Variants in KLHL1 observed in about 807,000 individuals in gnomAD.
The protein encoded by KLHL1 is kelch-like protein 1.
KLHL1 carries 47 observed loss-of-function variants against 77.7 expected under a neutral mutation model. That is an observed-to-expected ratio of 0.60 (90% CI 0.48 to 0.77). The LOEUF is 0.77. Ranked by LOEUF, KLHL1 falls within the 30% of genes least tolerant of loss-of-function variation. The probability of loss-of-function intolerance (pLI) is 0.00; values close to 1 mark genes in which losing one functional copy is unlikely to be tolerated. For synonymous variants in KLHL1, 360 were observed against 325.2 expected (o/e 1.11, Z -1.15); for missense variants, 925 against 910.8 (o/e 1.02, Z -0.20).
intron 4 of KLHL1, among the ~76,000 whole-genome samples, chr13:69,928,411 G>T (rs1882886450): frequency 6.6e-6 from 1 of 152,152 alleles, no homozygotes; most frequent in Admixed American, 6.5e-5. Flanking sequence ...AAACCTCTTT[G>T]TCTGCTGCAA....
At chr13:69,746,205 C>T (rs1874207054) in intron 7 of KLHL1, among the ~76,000 whole-genome samples, 1 of 151,552 alleles carries the variant, frequency 6.6e-6, no homozygotes, top group Non-Finnish European at 1.5e-5. Flanking sequence ...TAATAATCCA[C>T]ATTTTTTGTA....
At chr13:69,729,587 T>A (rs746111628) in intron 8 of KLHL1, among the ~76,000 whole-genome samples, 1 of 152,114 alleles carries the variant, frequency 6.6e-6, no homozygotes, top group Non-Finnish European at 1.5e-5. Context: ...GTTAAAACAA[T>A]TTTCTGCTAT....
At chr13:69,726,484 A>G (rs1873301560) in intron 8 of KLHL1, among the ~76,000 whole-genome samples, 1 of 152,018 alleles carries the variant, frequency 6.6e-6, no homozygotes, top group South Asian at 2.1e-4. Flanking sequence ...AGCTACAACA[A>G]TACATTGGTG....
intron 1 of KLHL1, among the ~76,000 whole-genome samples, chr13:69,985,845 T>A (rs1035533558): frequency 8.4e-6 from 1 of 118,832 alleles, no homozygotes; most frequent in East Asian, 2.1e-4. Context: ...TGTGTGTGTA[T>A]AGATATATAT....
chr13:69,916,249 C>G (rs1254869328), intron 4 of KLHL1, among the ~76,000 whole-genome samples: 1 of 152,094 alleles, frequency 6.6e-6, no homozygotes. Flanking sequence ...GGTATATACC[C>G]AAAGGATTAC....
chr13:69,947,036 GTGT>G (rs1883552994), intron 3 of KLHL1, among the ~76,000 whole-genome samples: 1 of 4,912 alleles, frequency 2.0e-4, no homozygotes, highest in African/African-American at 5.7e-4. Flanking sequence ...TGTTGTGTGT[GTGT>G]GTGTGTGTGT....
intron 1 of KLHL1, among the ~76,000 whole-genome samples, chr13:70,016,534 C>T (rs953929934): frequency 6.6e-6 from 1 of 152,214 alleles, no homozygotes; most frequent in Admixed American, 6.5e-5. Flanking sequence ...CTGTCACAAC[C>T]CTGCCAGGTG....
At chr13:69,770,113 A>C (rs1193156839) in intron 7 of KLHL1, among the ~76,000 whole-genome samples, 2 of 152,144 alleles carry the variant, frequency 1.3e-5, no homozygotes, top group African/African-American at 4.8e-5. Flanking sequence ...GGAGAGAGCT[A>C]TAACACCCCC....
intron 10 of KLHL1, among the ~76,000 whole-genome samples, chr13:69,706,237 C>T (rs1431439492): frequency 1.3e-5 from 2 of 151,634 alleles, no homozygotes; most frequent in East Asian, 3.9e-4. Flanking sequence ...AGACTTAGAT[C>T]TCTTGATATT....
intron 8 of KLHL1, among the ~76,000 whole-genome samples, chr13:69,737,269 G>T (rs1873802515): frequency 6.6e-6 from 1 of 152,196 alleles, no homozygotes; most frequent in South Asian, 2.1e-4. Context: ...GGCTGCTCGG[G>T]CAGGCAGCTG....
intron 3 of KLHL1, among the ~76,000 whole-genome samples, chr13:69,948,910 A>T (rs1269632796): frequency 2.0e-5 from 3 of 151,976 alleles, no homozygotes; most frequent in Non-Finnish European, 4.4e-5. Context: ...TTTATCTATC[A>T]TCATTCTGTT....
rs879344733 is a variant in KLHL1 at position 70,026,716 on chromosome 13, G to A, written c.498-50914C>T. Among the ~76,000 whole-genome samples, 287 of 148,412 alleles carry A rather than the reference G, an allele frequency of 1.9e-3. 1 individual carries two copies. Among genetic ancestry groups the A allele is most frequent in the East Asian group, 7.6e-3 (38 of 5,028 alleles). Reference sequence around the variant, plus strand: ...TTAAGAACTTAGGGTGTGTGTGTGTGTGTGTGTGTGTGTGTGTGTGTGTGT... The same window carrying A: ...TTAAGAACTTAGGGTGTGTGTGTGTATGTGTGTGTGTGTGTGTGTGTGTGT... On this transcript the variant is annotated intron_variant, in intron 1 of 10. Transcript: ENST00000377844.
chr13:69,983,280 T>C (rs1202202281), intron 1 of KLHL1, among the ~76,000 whole-genome samples: 1 of 152,128 alleles, frequency 6.6e-6, no homozygotes, highest in Non-Finnish European at 1.5e-5. Flanking sequence ...CCTACAGTGA[T>C]CTGCAGATTC....
intron 6 of KLHL1, among the ~76,000 whole-genome samples, chr13:69,797,985 AAAATAG>A: frequency 6.6e-6 from 1 of 152,222 alleles, no homozygotes; most frequent in African/African-American, 2.4e-5. Flanking sequence ...TCTGACTAAT[AAAATAG>A]AAATTGAAAG....
At position 69,911,133 on chromosome 13, in the gene KLHL1, CCT is replaced by C. The variant is rs536018251; in HGVS notation, c.1015-28640_1015-28639del. Among the ~76,000 whole-genome samples the C allele has an allele frequency of 1.9e-3, 294 of 151,952 alleles. 5 individuals are homozygous for C. Among genetic ancestry groups the C allele is most frequent in the Non-Finnish European group, 9.6e-4 (65 of 67,868 alleles). The stretch of plus-strand genomic sequence containing the variant: ...TCTTTCTCTCTCTCTCTTCTGTCTC[CCT>C]CTTTCTCTTTAATTCTTATTTTTTC... On this transcript the variant is annotated intron_variant, in intron 4 of 10. Coordinates refer to ENST00000377844, the MANE Select transcript of KLHL1 (RefSeq NM_020866.3).
At chr13:70,091,277 CCTTT>C (rs1887667115) in intron 1 of KLHL1, among the ~76,000 whole-genome samples, 1 of 151,966 alleles carries the variant, frequency 6.6e-6, no homozygotes, top group South Asian at 2.1e-4. Flanking sequence ...TATCTTGAAC[CCTTT>C]CTTTTTATCT....
chr13:69,797,804 G>C (rs1156617307), intron 6 of KLHL1, among the ~76,000 whole-genome samples: 1 of 147,404 alleles, frequency 6.8e-6, no homozygotes, highest in African/African-American at 2.6e-5. Context: ...ACCCCAGCCT[G>C]GGTGACAGAG....
chr13:70,055,347 A>C (rs1593707239), intron 1 of KLHL1, among the ~76,000 whole-genome samples: 1 of 152,148 alleles, frequency 6.6e-6, no homozygotes, highest in East Asian at 1.9e-4. Flanking sequence ...ATTAAGAAAA[A>C]ATAAGGACTT....
intron 1 of KLHL1, among the ~76,000 whole-genome samples, chr13:70,076,263 T>C (rs769883938): frequency 2.6e-5 from 4 of 151,854 alleles, no homozygotes; most frequent in Non-Finnish European, 5.9e-5. Flanking sequence ...CAAGAGAGTG[T>C]AGTACTGGTG....
Sources: allele counts gnomAD v4.1 joint callset (sites outside exome capture counted in the v4.1 genomes callset), GRCh38; gene constraint gnomAD v4.1.1; transcripts MANE v1.5; gene names NCBI Gene and HGNC (gene_info 2026-07-23, HGNC 2026-07-21).